Variants in SCFD2 observed in about 807,000 individuals in gnomAD.
SCFD2 encodes sec1 family domain containing 2.
A neutral mutation model predicts 58.9 loss-of-function variants in SCFD2; 54 were observed. That is an observed-to-expected ratio of 0.92 (90% CI 0.74 to 1.15). SCFD2 has a LOEUF of 1.15. Among genes scored for constraint, SCFD2 ranks in the 50% most tolerant of loss-of-function variants. SCFD2 has a pLI of 0.00. For synonymous variants in SCFD2, 321 were observed against 335.9 expected (o/e 0.96, Z 0.49); for missense variants, 805 against 836.6 (o/e 0.96, Z 0.47).
chr4:53,261,883 T>C (rs968636607), intron 4 of SCFD2, among the ~76,000 whole-genome samples: 2 of 152,198 alleles, frequency 1.3e-5, no homozygotes, highest in Non-Finnish European at 2.9e-5. Context: ...GCAGTAATTG[T>C]TTATAAATTT....
intron 5 of SCFD2, among the ~76,000 whole-genome samples, chr4:53,032,540 A>G (rs1465071550): frequency 6.6e-6 from 1 of 152,252 alleles, no homozygotes; most frequent in Non-Finnish European, 1.5e-5. Flanking sequence ...TGTATTCAGG[A>G]GACCCATCTC....
chr4:53,181,611 T>A (rs1387016482), intron 4 of SCFD2, among the ~76,000 whole-genome samples: 1 of 152,146 alleles, frequency 6.6e-6, no homozygotes, highest in Admixed American at 6.5e-5. Context: ...AGAGATGCCC[T>A]CTCTCACCAC....
intron 3 of SCFD2, among the ~76,000 whole-genome samples, chr4:53,283,596 T>A (rs1731571651): frequency 4.6e-5 from 7 of 151,934 alleles, no homozygotes; most frequent in Admixed American, 4.6e-4. Flanking sequence ...TATGGTAGAG[T>A]CTCAGTGTGT....
intron 5 of SCFD2, among the ~76,000 whole-genome samples, chr4:53,109,425 T>C (rs1399432979): frequency 6.6e-6 from 1 of 152,208 alleles, no homozygotes; most frequent in Non-Finnish European, 1.5e-5. Context: ...GGAAGTCAAA[T>C]TGTCTCTGCT....
At chr4:53,057,918 C>G (rs528574575) in intron 5 of SCFD2, among the ~76,000 whole-genome samples, 1 of 152,186 alleles carries the variant, frequency 6.6e-6, no homozygotes, top group South Asian at 2.1e-4. Context: ...TCAGCAGGAA[C>G]TTGATGCCAG....
At chr4:53,168,882 A>G (rs1408216526) in intron 4 of SCFD2, among the ~76,000 whole-genome samples, 1 of 152,196 alleles carries the variant, frequency 6.6e-6, no homozygotes, top group African/African-American at 2.4e-5. Context: ...GTATCTTTTG[A>G]CCAATATCTC....
intron 2 of SCFD2, among the ~76,000 whole-genome samples, chr4:53,324,916 C>T (rs982560953): frequency 6.6e-6 from 1 of 152,122 alleles, no homozygotes; most frequent in Non-Finnish European, 1.5e-5. Context: ...AATATTGATA[C>T]TAATTAACTA....
At chr4:52,968,799 T>G (rs968041941) in intron 5 of SCFD2, among the ~76,000 whole-genome samples, 2 of 152,074 alleles carry the variant, frequency 1.3e-5, no homozygotes, top group African/African-American at 4.8e-5. Flanking sequence ...TCAAGGGATC[T>G]CATGTGGGGG....
At chr4:52,890,111 C>T (rs1191097917) in intron 7 of SCFD2, among the ~76,000 whole-genome samples, 2 of 152,234 alleles carry the variant, frequency 1.3e-5, no homozygotes, top group Non-Finnish European at 2.9e-5. Flanking sequence ...CCCAGACCTT[C>T]CTTCCAGCCC....
intron 4 of SCFD2, among the ~76,000 whole-genome samples, chr4:53,202,853 T>C (rs1728292047): frequency 6.6e-6 from 1 of 152,190 alleles, no homozygotes; most frequent in African/African-American, 2.4e-5. Flanking sequence ...ATAAGAATGC[T>C]TGTGATTTTT....
chr4:53,294,599 T>A (rs1731957068), intron 3 of SCFD2, among the ~76,000 whole-genome samples: 1 of 152,234 alleles, frequency 6.6e-6, no homozygotes, highest in South Asian at 2.1e-4. Flanking sequence ...GCCTGTTAAC[T>A]CTGATGATAG....
At chr4:53,239,350 G>C in intron 4 of SCFD2, among the ~76,000 whole-genome samples, 1 of 151,354 alleles carries the variant, frequency 6.6e-6, no homozygotes, top group South Asian at 2.1e-4. Flanking sequence ...GAAAGAGAGG[G>C]AGAGGGAGAC....
rs924319204 is a variant in SCFD2 at position 52,981,606 on chromosome 4, T to C, written c.1562-60736A>G. On this transcript the variant is annotated intron_variant, in intron 5 of 8. Transcript: ENST00000401642. ...TTGCTAGAAAGGATCAAGGTCCTTA[T>C]TTTAGAGGAGAAAATCAAGGCCCAG... Among the ~76,000 whole-genome samples the C allele has an allele frequency of 1.2e-4, 18 of 152,200 alleles. 1 individual carries two copies. The highest frequency in any genetic ancestry group is 4.3e-4 in the African/African-American group (18 of 41,536).
At chr4:53,352,111 TTC>T (rs1237575443) in intron 2 of SCFD2, among the ~76,000 whole-genome samples, 6 of 152,212 alleles carry the variant, frequency 3.9e-5, no homozygotes, top group Non-Finnish European at 1.5e-5. Flanking sequence ...GTACATAATC[TTC>T]TCTCTTTGAT....
intron 3 of SCFD2, among the ~76,000 whole-genome samples, chr4:53,311,472 A>C (rs1410852682): frequency 3.3e-5 from 5 of 152,188 alleles, no homozygotes; most frequent in Non-Finnish European, 7.3e-5. Context: ...TATTTTTCAA[A>C]GATACGGCCC....
chr4:53,270,509 T>C (rs1731129641), intron 4 of SCFD2, among the ~76,000 whole-genome samples: 1 of 152,166 alleles, frequency 6.6e-6, no homozygotes, highest in Non-Finnish European at 1.5e-5. Context: ...GCCTGGTCAA[T>C]GCACTATGAA....
At chr4:52,927,871 T>C (rs1358519602) in intron 5 of SCFD2, among the ~76,000 whole-genome samples, 1 of 152,216 alleles carries the variant, frequency 6.6e-6, no homozygotes, top group Non-Finnish European at 1.5e-5. Flanking sequence ...AATACATAAA[T>C]TATATCTATT....
At position 53,246,646 on chromosome 4, in the gene SCFD2, A is replaced by T. The variant is rs183807610; in HGVS notation, c.1311+27180T>A. Among the ~76,000 whole-genome samples, 438 of 152,214 alleles carry T rather than the reference A, an allele frequency of 2.9e-3. 1 individual carries two copies. The highest frequency in any genetic ancestry group is 0.01 in the African/African-American group (416 of 41,562). On this transcript the variant is annotated intron_variant, in intron 4 of 8. Coordinates refer to ENST00000401642, the MANE Select transcript of SCFD2 (RefSeq NM_152540.4). ...TGCTGGAATAACTGGCTAGCAGAAG[A>T]TTGAAAGTGGACCCTTTCCTTATAC...
intron 4 of SCFD2, among the ~76,000 whole-genome samples, chr4:53,263,172 G>T (rs1730877872): frequency 6.6e-6 from 1 of 151,664 alleles, no homozygotes; most frequent in South Asian, 2.1e-4. Context: ...TCATATTTTT[G>T]ATTTCTTTAA....
Sources: allele counts gnomAD v4.1 joint callset (sites outside exome capture counted in the v4.1 genomes callset), GRCh38; gene constraint gnomAD v4.1.1; transcripts MANE v1.5; gene names NCBI Gene and HGNC (gene_info 2026-07-23, HGNC 2026-07-21).